SP140L: variants seen among roughly 807,000 people sequenced by gnomAD.
SP140L encodes the protein nuclear body protein SP140-like protein.
Under a neutral mutation model 84.3 loss-of-function variants are expected in SP140L, and 64 were observed. The ratio of observed to expected loss-of-function variants is 0.76; its 90% CI spans 0.62 to 0.94. The LOEUF (loss-of-function observed/expected upper bound fraction) is 0.94. SP140L is among the 40% of genes least tolerant of loss of function. SP140L has a pLI of 0.00. For synonymous variants in SP140L, 242 were observed against 236.9 expected (o/e 1.02, Z -0.20); for missense variants, 628 against 692.5 (o/e 0.91, Z 1.05).
At chr2:230,371,694 A>G (rs753034419) in intron 7 of SP140L, 43 bp downstream of exon 7, 1 of 1,473,912 alleles carries the variant, frequency 6.8e-7, no homozygotes, top group Non-Finnish European at 9.4e-7. Flanking sequence ...TGTTACAAAT[A>G]CATTTTTAAT....
chr2:230,327,719 G>A lies in SP140L; in HGVS notation c.32+418G>A, dbSNP rs114110836. Among the ~76,000 whole-genome samples, 1,394 of 152,210 alleles carry A rather than the reference G, an allele frequency of 9.2e-3. 28 individuals carry two copies. The highest frequency in any genetic ancestry group is 0.031 in the African/African-American group (1,301 of 41,488). ...CTCTGCCCTCTCTACCTTCACATAT[G>A]TCATGTCAAAGAAGGTAGTTTGGAA... is the stretch of plus-strand genomic sequence containing the variant. On this transcript the variant is annotated intron_variant, in intron 1 of 18. Transcript: ENST00000415673.
At chr2:230,383,658 G>A in intron 8 of SP140L, 83 bp downstream of exon 8, 14 of 1,340,556 alleles carry the variant, frequency 1.0e-5, no homozygotes, top group South Asian at 1.4e-5. Flanking sequence ...TGCAGTTCAC[G>A]AGGGCCAGGA....
At chr2:230,350,913 G>GAATTGGTTAGTCC (rs1401527547) in intron 2 of SP140L, among the ~76,000 whole-genome samples, 3 of 152,096 alleles carry the variant, frequency 2.0e-5, no homozygotes, top group Non-Finnish European at 4.4e-5. Flanking sequence ...ATTCCCTAAG[G>GAATTGGTTAGTCC]CTAGAGTATG....
intron 5 of SP140L, among the ~76,000 whole-genome samples, chr2:230,362,983 G>A (rs1226631896): frequency 2.0e-5 from 3 of 152,170 alleles, no homozygotes; most frequent in African/African-American, 7.2e-5. Context: ...AACAGATGTG[G>A]AGTGGGAGGG....
intron 2 of SP140L, among the ~76,000 whole-genome samples, chr2:230,345,496 T>G (rs565611092): frequency 6.6e-6 from 1 of 152,264 alleles, no homozygotes; most frequent in Non-Finnish European, 1.5e-5. Flanking sequence ...TTTAATCCAT[T>G]TATTGATAGG....
chr2:230,386,769 G>A (rs907480699), intron 9 of SP140L, among the ~76,000 whole-genome samples: 19 of 152,078 alleles, frequency 1.2e-4, no homozygotes, highest in African/African-American at 4.3e-4. Context: ...AGCTAAATCC[G>A]ACATACCCAC....
intron 10 of SP140L, 151 bp from the exon 11 acceptor site, chr2:230,389,768 A>G: frequency 1.3e-6 from 1 of 757,958 alleles, no homozygotes; most frequent in South Asian, 1.7e-5. Flanking sequence ...ACCGATCAAA[A>G]ATGCCACTTG....
intron 7 of SP140L, chr2:230,372,339 A>G (rs2061104247): frequency 6.6e-6 from 1 of 152,372 alleles, no homozygotes. Flanking sequence ...AGAGGTTGGA[A>G]GAATTTTAAA....
chr2:230,330,352 C>T (rs1019245136), intron 2 of SP140L, among the ~76,000 whole-genome samples: 1 of 152,188 alleles, frequency 6.6e-6, no homozygotes, highest in South Asian at 2.1e-4. Context: ...TCTTCTCTGC[C>T]CCTGGCCTGT....
intron 5 of SP140L, among the ~76,000 whole-genome samples, chr2:230,368,692 C>G (rs923462271): frequency 3.9e-5 from 6 of 152,074 alleles, no homozygotes; most frequent in Non-Finnish European, 5.9e-5. Context: ...GACAACCTGT[C>G]TGAGTTCAAA....
intron 12 of SP140L, among the ~76,000 whole-genome samples, chr2:230,392,944 CT>C (rs1042929184): frequency 5.3e-5 from 8 of 152,266 alleles, no homozygotes; most frequent in African/African-American, 1.7e-4. Flanking sequence ...TACTAATGCC[CT>C]TTTTTCACTA....
At chr2:230,369,447 C>A (rs1038497706) in intron 5 of SP140L, among the ~76,000 whole-genome samples, 1 of 152,168 alleles carries the variant, frequency 6.6e-6, no homozygotes, top group African/African-American at 2.4e-5. Context: ...AGGATTCAGC[C>A]TGGGTTCAGT....
intron 5 of SP140L, among the ~76,000 whole-genome samples, chr2:230,366,986 C>T (rs1208163574): frequency 6.6e-6 from 1 of 151,898 alleles, no homozygotes; most frequent in Admixed American, 6.6e-5. Context: ...CCTCGGCCTC[C>T]CAAAGTGCTA....
chr2:230,389,449 A>C (rs2061713648), intron 10 of SP140L, among the ~76,000 whole-genome samples: 1 of 152,154 alleles, frequency 6.6e-6, no homozygotes, highest in Non-Finnish European at 1.5e-5. Context: ...TAAAAGTAGA[A>C]GGCAGGTGCT....
At chr2:230,346,724 G>A (rs939358770) in intron 2 of SP140L, among the ~76,000 whole-genome samples, 1 of 151,954 alleles carries the variant, frequency 6.6e-6, no homozygotes, top group African/African-American at 2.4e-5. Flanking sequence ...TAGGATTTCT[G>A]GGGGTTTGTT....
intron 6 of SP140L, among the ~76,000 whole-genome samples, chr2:230,371,355 T>C (rs1296976046): frequency 6.6e-6 from 1 of 152,152 alleles, no homozygotes; most frequent in African/African-American, 2.4e-5. Flanking sequence ...CTGGTATTAA[T>C]TGTCAGGGGG....
intron 2 of SP140L, among the ~76,000 whole-genome samples, chr2:230,351,821 A>AT (rs978656402): frequency 2.0e-5 from 3 of 151,982 alleles, no homozygotes; most frequent in Non-Finnish European, 4.4e-5. Context: ...TAATTTTTGT[A>AT]TTTTTTGTAG....
chr2:230,368,524 A>C (rs1414477856), intron 5 of SP140L, among the ~76,000 whole-genome samples: 3 of 152,096 alleles, frequency 2.0e-5, no homozygotes, highest in Non-Finnish European at 4.4e-5. Flanking sequence ...TTATGCTATT[A>C]TCTCTTTAAA....
chr2:230,370,424 A>G (rs1348988695), intron 5 of SP140L, among the ~76,000 whole-genome samples: 18 of 152,180 alleles, frequency 1.2e-4, no homozygotes. Flanking sequence ...GAAAGGAATA[A>G]AGGCCTACTA....
Sources: allele counts gnomAD v4.1 joint callset (sites outside exome capture counted in the v4.1 genomes callset), GRCh38; gene constraint gnomAD v4.1.1; transcripts MANE v1.5; gene names NCBI Gene and HGNC (gene_info 2026-07-23, HGNC 2026-07-21).